The following MIB1 variants were observed in gnomAD, a reference collection of about 807,000 sequenced individuals.
The protein encoded by MIB1 is E3 ubiquitin-protein ligase MIB1.
Under a neutral mutation model 124.5 loss-of-function variants are expected in MIB1, and 278 were observed. The observed-to-expected ratio is 2.23, with a 90% CI of 2.02 to 2.47. The LOEUF is 2.47. Ranked by LOEUF, MIB1 falls within the 30% of genes most tolerant of loss-of-function variation. The probability of loss-of-function intolerance (pLI) is 0.00; values close to 1 mark genes in which losing one functional copy is unlikely to be tolerated. For synonymous variants in MIB1, 446 were observed against 429.4 expected (o/e 1.04, Z -0.48); for missense variants, 957 against 1,254.4 (o/e 0.76, Z 3.58).
intron 12 of MIB1, chr18:21,825,998 C>G: frequency 4.0e-6 from 1 of 251,270 alleles, no homozygotes. Context: ...AAGGAATGAT[C>G]AATGTACGTC....
intron 12 of MIB1, among the ~76,000 whole-genome samples, chr18:21,835,766 T>G: frequency 9.9e-6 from 1 of 101,016 alleles, no homozygotes; most frequent in Admixed American, 1.1e-4. Context: ...CAAGACTCCA[T>G]CTCAAGAAAA....
chr18:21,772,205 T>C (rs2041231415), intron 3 of MIB1, among the ~76,000 whole-genome samples: 1 of 152,224 alleles, frequency 6.6e-6, no homozygotes, highest in Admixed American at 6.5e-5. Flanking sequence ...TTATATATCT[T>C]ATTTAAAGTA....
chr18:21,764,159 A>G (rs1475657363), intron 1 of MIB1, among the ~76,000 whole-genome samples: 1 of 152,096 alleles, frequency 6.6e-6, no homozygotes, highest in Non-Finnish European at 1.5e-5. Flanking sequence ...CACATAAAAC[A>G]TATTTGGTGT....
At chr18:21,759,268 A>C (rs2041070415) in intron 1 of MIB1, among the ~76,000 whole-genome samples, 1 of 151,174 alleles carries the variant, frequency 6.6e-6, no homozygotes, top group Non-Finnish European at 1.5e-5. Flanking sequence ...TTTGAGACGG[A>C]GTTTGGCTTT....
chr18:21,791,292 T>C lies in MIB1; in HGVS notation c.909-82T>C, dbSNP rs867720163. 7.0e-6 allele frequency: 8 copies of C among 1,147,494 alleles called. No individual in the cohort carries two copies. In the Middle Eastern group the frequency reaches 1.7e-3, roughly 238 times the overall value. The allele number at this position is 1,147,494 out of a possible 1,614,324, so 71.1% of individuals were successfully genotyped here. On this transcript the variant is annotated intron_variant, in intron 6 of 20. Coordinates refer to ENST00000261537, the MANE Select transcript of MIB1 (RefSeq NM_020774.4). ...ATATAATTGCAAAGGATTGCCTTAC[T>C]CTTTTGATCTTCACTGTTTAAGAAT...
upstream of MIB1, among the ~76,000 whole-genome samples, chr18:21,736,199 T>C (rs1414783268): frequency 6.6e-6 from 1 of 152,244 alleles, no homozygotes; most frequent in African/African-American, 2.4e-5. Flanking sequence ...CAATCTTTGC[T>C]GTTCTGCAGC....
chr18:21,814,576 G>T (rs2041807707), intron 10 of MIB1, among the ~76,000 whole-genome samples: 2 of 151,896 alleles, frequency 1.3e-5, no homozygotes. Context: ...ACAGGACCCT[G>T]ATTCTTTTTT....
intron 1 of MIB1, among the ~76,000 whole-genome samples, chr18:21,729,448 A>G (rs1410611914): frequency 6.6e-6 from 1 of 152,138 alleles, no homozygotes; most frequent in East Asian, 1.9e-4. Flanking sequence ...GTGTTCTTAC[A>G]TGGTAGACGA....
chr18:21,762,786 TTTTA>T (rs1255167796), intron 1 of MIB1, among the ~76,000 whole-genome samples: 5 of 152,184 alleles, frequency 3.3e-5, no homozygotes, highest in Non-Finnish European at 5.9e-5. Context: ...ATTTAGAAGT[TTTTA>T]TTTATTTTAA....
chr18:21,804,842 T>G (rs1214657757), intron 10 of MIB1, among the ~76,000 whole-genome samples: 1 of 152,148 alleles, frequency 6.6e-6, no homozygotes, highest in Non-Finnish European at 1.5e-5. Flanking sequence ...AAAAGATGCA[T>G]ATTGGAAAAG....
intron 12 of MIB1, among the ~76,000 whole-genome samples, chr18:21,824,209 T>C (rs772351626): frequency 1.4e-4 from 22 of 152,226 alleles, no homozygotes; most frequent in Non-Finnish European, 2.9e-4. Context: ...TGATGTGATA[T>C]ATGTTGTTTT....
intron 1 of MIB1, among the ~76,000 whole-genome samples, chr18:21,748,851 G>C (rs142521714): frequency 1.3e-4 from 19 of 150,322 alleles, no homozygotes; most frequent in African/African-American, 3.9e-4. Context: ...GCCTACCTCA[G>C]CCTCCCGAGT....
At chr18:21,781,371 ATATAT>A (rs2041361718) in intron 6 of MIB1, among the ~76,000 whole-genome samples, 1 of 19,900 alleles carries the variant, frequency 5.0e-5, no homozygotes, top group African/African-American at 3.3e-4. Context: ...CAAGTTATAT[ATATAT>A]ATATATATAT....
chr18:21,857,169 CA>C lies in MIB1; in HGVS notation c.2706del (p.Val903Ter). ...ATGAAAAAGTGTGTGCAGTGTCGAG[CA>C]GTAGTTGAACGAAGAGTGCCTTTCA... ...NLMKKCVQCR[A>X]VVERRVPFIM... On this transcript the variant is annotated frameshift_variant, in exon 19 of 21. Coordinates refer to ENST00000261537, the MANE Select transcript of MIB1 (RefSeq NM_020774.4). LOFTEE classifies it high-confidence loss of function. 1.2e-6 allele frequency: 2 copies of C among 1,614,116 alleles called. No individual in the cohort carries two copies. Among genetic ancestry groups the C allele is most frequent in the South Asian group, 1.1e-5 (1 of 91,086 alleles).
At chr18:21,756,598 G>A (rs2041034369) in intron 1 of MIB1, among the ~76,000 whole-genome samples, 1 of 151,956 alleles carries the variant, frequency 6.6e-6, no homozygotes, top group Non-Finnish European at 1.5e-5. Context: ...CCAGGTAGCT[G>A]GGATCACAGG....
intron 1 of MIB1, among the ~76,000 whole-genome samples, chr18:21,748,475 G>GC (rs566511170): frequency 1.3e-3 from 187 of 148,040 alleles, no homozygotes; most frequent in Non-Finnish European, 2.3e-3. Flanking sequence ...TGTCCCCCAG[G>GC]CCAGAGTGCA....
chr18:21,759,227 G>GTGTATATATATATATGTGTATATATATA (rs2041069203), intron 1 of MIB1, among the ~76,000 whole-genome samples: 2 of 150,102 alleles, frequency 1.3e-5, no homozygotes, highest in African/African-American at 4.9e-5. Context: ...GTATATATAT[G>GTGTATATATATATATGTGTATATATATA]TGTATATATA....
chr18:21,787,044 T>C (rs1465972044), intron 6 of MIB1, among the ~76,000 whole-genome samples: 1 of 152,074 alleles, frequency 6.6e-6, no homozygotes, highest in East Asian at 1.9e-4. Flanking sequence ...CAGTTTTTGC[T>C]GTCTGCTTAT....
At chr18:21,842,350 A>G (rs75029099) in intron 13 of MIB1, among the ~76,000 whole-genome samples, 1 of 152,124 alleles carries the variant, frequency 6.6e-6, no homozygotes, top group South Asian at 2.1e-4. Flanking sequence ...ATCTCATTTT[A>G]AAAAATTTTT....
Sources: gnomAD v4.1 joint callset for allele counts (sites outside exome capture counted in the v4.1 genomes callset) on GRCh38, gnomAD v4.1.1 for gene constraint, MANE v1.5 for transcripts, NCBI Gene and HGNC (gene_info 2026-07-23, HGNC 2026-07-21) for gene names.